MYH7B: variants seen among roughly 807,000 people sequenced by gnomAD.
MYH7B encodes myosin heavy chain 7B, also known as myosin-7B.
A neutral mutation model predicts 234.5 loss-of-function variants in MYH7B; 205 were observed. The ratio of observed to expected loss-of-function variants is 0.87; its 90% CI spans 0.78 to 0.98. The LOEUF (loss-of-function observed/expected upper bound fraction) is 0.98, where lower values mean the gene tolerates loss of function less well. MYH7B is among the 50% of genes least tolerant of loss of function. The pLI, the probability that MYH7B is intolerant of heterozygous loss-of-function variation, is 0.00. For synonymous variants in MYH7B, 1,193 were observed against 1,105.0 expected, an observed-to-expected ratio of 1.08 and a Z score of -1.58; for missense variants, 2,652 against 2,633.4, an observed-to-expected ratio of 1.01 and a Z score of -0.15.
intron 24 of MYH7B, 34 bp from the exon 25 acceptor site, chr20:34,993,068 C>T: frequency 1.3e-6 from 2 of 1,596,782 alleles, no homozygotes; most frequent in South Asian, 1.1e-5. Context: ...CCATACCCAG[C>T]CCTCTCCTGA....
exon 35 of MYH7B, chr20:34,998,890 A>G: frequency 1.2e-6 from 2 of 1,612,902 alleles, no homozygotes; most frequent in Non-Finnish European, 1.7e-6. Flanking sequence ...TGCCATCCAG[A>G]GGACCGAGGA....
At chr20:34,958,345 G>A (rs777017781) in intron 2 of MYH7B, among the ~76,000 whole-genome samples, 133 bp downstream of exon 2, 7 of 152,300 alleles carry the variant, frequency 4.6e-5, no homozygotes, top group African/African-American at 1.2e-4. Flanking sequence ...TCCAGGGAGC[G>A]TTTGCCCTTT....
chr20:34,990,848 G>T, intron 23 of MYH7B, 23 bp downstream of exon 23: 1 of 1,613,440 alleles, frequency 6.2e-7, no homozygotes, highest in Non-Finnish European at 8.5e-7. Flanking sequence ...GGCTGGCCTG[G>T]CTGGGGCCGG....
At chr20:34,988,030 C>A in intron 18 of MYH7B, 62 bp from the exon 19 acceptor site, 1 of 1,579,816 alleles carries the variant, frequency 6.3e-7, no homozygotes. Flanking sequence ...TCATGCCCCT[C>A]CCCGGGCCTC....
intron 28 of MYH7B, 73 bp downstream of exon 28, chr20:34,995,651 C>T (rs886791050): frequency 6.3e-7 from 1 of 1,585,338 alleles, no homozygotes. Context: ...GCTGCAGGTC[C>T]CACCCCGGCT....
At chr20:34,979,853 C>G (rs772312995) in intron 7 of MYH7B, 49 bp downstream of exon 7, 10 of 1,498,102 alleles carry the variant, frequency 6.7e-6, no homozygotes, top group South Asian at 5.0e-5. Context: ...GTATGTGGGG[C>G]GGGGCTAGAG....
intron 7 of MYH7B, 100 bp from the exon 8 acceptor site, chr20:34,980,478 C>A: frequency 9.3e-7 from 1 of 1,076,684 alleles, no homozygotes; most frequent in Non-Finnish European, 1.4e-6. Flanking sequence ...GCGGAGGTTG[C>A]GGTGAGCCGA....
chr20:34,999,320 C>A, exon 36 of MYH7B: 1 of 1,574,530 alleles, frequency 6.4e-7, no homozygotes, highest in South Asian at 1.2e-5. Context: ...GTGGCCTGGG[C>A]ACCGAGCTCT....
At chr20:34,979,639 C>G in intron 6 of MYH7B, 22 bp from the exon 7 acceptor site, 2 of 1,613,864 alleles carry the variant, frequency 1.2e-6, no homozygotes, top group Middle Eastern at 3.3e-4. Flanking sequence ...TCCCCCGGCC[C>G]CTGACACGAT....
intron 22 of MYH7B, 22 bp from the exon 23 acceptor site, chr20:34,990,716 C>T: frequency 6.2e-7 from 1 of 1,612,830 alleles, no homozygotes; most frequent in African/African-American, 1.3e-5. Flanking sequence ...TGTGCCTTTC[C>T]CTCACTCTTC....
chr20:34,982,333 C>G, intron 9 of MYH7B, 126 bp from the exon 10 acceptor site: 2 of 768,640 alleles, frequency 2.6e-6, no homozygotes, highest in Admixed American at 4.1e-5. Context: ...GAGGGTTGAT[C>G]CATCCTTGGG....
intron 35 of MYH7B, 68 bp downstream of exon 35, chr20:34,998,983 G>A (rs1296982657): frequency 6.3e-7 from 1 of 1,582,670 alleles, no homozygotes; most frequent in Admixed American, 1.7e-5. Context: ...CCCGCTGAGG[G>A]TGGGTGAAGG....
At chr20:34,972,505 T>C (rs918688579) in intron 2 of MYH7B, among the ~76,000 whole-genome samples, 3 of 152,126 alleles carry the variant, frequency 2.0e-5, no homozygotes, top group Non-Finnish European at 2.9e-5. Flanking sequence ...TGCTTACCAC[T>C]TGCCACAATC....
At chr20:34,997,749 C>T (rs1600470273) in intron 32 of MYH7B, 109 bp downstream of exon 32, 2 of 1,341,184 alleles carry the variant, frequency 1.5e-6, no homozygotes, top group East Asian at 2.6e-5. Flanking sequence ...TATCCTGAGC[C>T]CTGACCTCTT....
At chr20:35,000,309 G>A (rs2082344726) in exon 39 of MYH7B, 1 of 1,585,746 alleles carries the variant, frequency 6.3e-7, no homozygotes, top group Non-Finnish European at 8.5e-7. Flanking sequence ...CCACCAGCGA[G>A]CTGTGGAGTC....
rs1221951858 is a variant in MYH7B at position 34,980,908 on chromosome 20, C to T, written c.500-125C>T. The T allele has an allele frequency of 3.3e-6, 5 of 1,505,232 alleles. No homozygotes were observed. The Admixed American group carries it at 5.2e-5, about 16-fold the overall frequency. 93.2% of individuals were successfully genotyped at this position (1,505,232 alleles called of 1,614,324 possible). A position where few individuals can be genotyped will look rare whatever the true frequency, so the allele number is the denominator to read the frequency against. ...AGCTGACCTCCACTAGGGACAGCCCCACCTGCTCCTTCCCATTCCTGGCTC... is the reference window on the plus strand; with the variant it reads ...AGCTGACCTCCACTAGGGACAGCCCTACCTGCTCCTTCCCATTCCTGGCTC... On this transcript the variant is annotated intron_variant, in intron 8 of 44. Transcript: ENST00000262873.
At chr20:34,958,890 C>T (rs1207890546) in intron 2 of MYH7B, among the ~76,000 whole-genome samples, 2 of 152,252 alleles carry the variant, frequency 1.3e-5, no homozygotes, top group Non-Finnish European at 2.9e-5. Context: ...ACTTTACCCC[C>T]AGGACCTGAC....
chr20:34,997,666 C>G, intron 32 of MYH7B, 26 bp downstream of exon 32: 1 of 1,611,066 alleles, frequency 6.2e-7, no homozygotes, highest in Non-Finnish European at 8.5e-7. Flanking sequence ...TCACCCCATA[C>G]CCACCCTGAC....
chr20:34,991,281 C>G (rs2082144920), intron 24 of MYH7B, among the ~76,000 whole-genome samples, 160 bp downstream of exon 24: 1 of 152,166 alleles, frequency 6.6e-6, no homozygotes, highest in South Asian at 2.1e-4. Context: ...GGGGGTGGCT[C>G]AGACCTGGCC....
Sources: allele counts gnomAD v4.1 joint callset (sites outside exome capture counted in the v4.1 genomes callset), GRCh38; gene constraint gnomAD v4.1.1; transcripts MANE v1.5; gene names NCBI Gene and HGNC (gene_info 2026-07-23, HGNC 2026-07-21).